Variants in LRRC37A2 observed in about 807,000 individuals in gnomAD.
LRRC37A2 encodes leucine rich repeat containing 37 member A2.
A neutral mutation model predicts 68.8 loss-of-function variants in LRRC37A2; 9 were observed. That is an observed-to-expected ratio of 0.13 (90% CI 0.08 to 0.23). The LOEUF (loss-of-function observed/expected upper bound fraction) is 0.23. LRRC37A2 is among the 10% of genes least tolerant of loss of function. The pLI is 1.00. For missense variants in LRRC37A2, 168 were observed against 950.4 expected (o/e 0.18, Z 10.82); for synonymous variants, 63 against 367.6 (o/e 0.17, Z 9.48).
chr17:47,014,288 G>C, the LRRC37A2 span, among the ~76,000 whole-genome samples: 48 of 150,598 alleles, frequency 3.2e-4, no homozygotes, highest in African/African-American at 1.1e-3. Context: ...TACTTGGGAA[G>C]CTGAGGCATG....
the LRRC37A2 span, among the ~76,000 whole-genome samples, chr17:46,839,929 TTTCTTTCTTTCTTTC>T: frequency 7.9e-6 from 1 of 126,894 alleles, no homozygotes; most frequent in Non-Finnish European, 1.7e-5. Context: ...TCTTTCTTTC[TTTCTTTCTTTCTTTC>T]TTTCTTTCTT....
At chr17:46,834,797 C>T in the LRRC37A2 span, among the ~76,000 whole-genome samples, 1 of 152,172 alleles carries the variant, frequency 6.6e-6, no homozygotes, top group Non-Finnish European at 1.5e-5. Flanking sequence ...CAAGGGCTTC[C>T]CCCACGCTAA....
At chr17:46,784,889 C>T in the LRRC37A2 span, among the ~76,000 whole-genome samples, 2 of 151,922 alleles carry the variant, frequency 1.3e-5, no homozygotes, top group East Asian at 1.9e-4. Context: ...CATTCTCCTG[C>T]CTCAGCCTCC....
chr17:46,979,685 G>A, the LRRC37A2 span, among the ~76,000 whole-genome samples: 1 of 151,780 alleles, frequency 6.6e-6, no homozygotes, highest in Non-Finnish European at 1.5e-5. Context: ...CTTTCCCGGG[G>A]TGAAAGCTGT....
the LRRC37A2 span, among the ~76,000 whole-genome samples, chr17:46,820,315 G>A: frequency 1.3e-5 from 2 of 152,162 alleles, no homozygotes; most frequent in Non-Finnish European, 2.9e-5. Context: ...TGCTGGACTG[G>A]AGGGGGTGGG....
At chr17:46,814,201 G>A in the LRRC37A2 span, among the ~76,000 whole-genome samples, 10 of 152,202 alleles carry the variant, frequency 6.6e-5, no homozygotes, top group Admixed American at 4.6e-4. Flanking sequence ...CCCCGGAGCT[G>A]TTGACAAAAT....
the LRRC37A2 span, among the ~76,000 whole-genome samples, chr17:46,950,589 T>C: frequency 1.3e-5 from 2 of 152,148 alleles, no homozygotes; most frequent in African/African-American, 4.8e-5. Flanking sequence ...GGGGCAGCCA[T>C]GAGCTTCAGG....
the LRRC37A2 span, among the ~76,000 whole-genome samples, chr17:47,023,425 G>A: frequency 2.0e-5 from 3 of 152,232 alleles, no homozygotes; most frequent in African/African-American, 4.8e-5. Flanking sequence ...GGTGGCTCAC[G>A]CCTTTAATCC....
the LRRC37A2 span, among the ~76,000 whole-genome samples, chr17:46,442,082 T>C: frequency 1.2e-5 from 1 of 81,626 alleles, no homozygotes; most frequent in Admixed American, 1.2e-4. Context: ...TTCTTCCTTC[T>C]TCAGCTCAAT....
At chr17:46,790,716 T>C in the LRRC37A2 span, among the ~76,000 whole-genome samples, 1 of 152,148 alleles carries the variant, frequency 6.6e-6, no homozygotes, top group African/African-American at 2.4e-5. Flanking sequence ...CAAATCTCCA[T>C]GTTCACGGCC....
the LRRC37A2 span, among the ~76,000 whole-genome samples, chr17:46,945,051 A>G: frequency 3.2e-4 from 48 of 152,302 alleles, no homozygotes; most frequent in East Asian, 9.1e-3. Flanking sequence ...GTGATAGTTT[A>G]GTGCGGCCAT....
chr17:46,490,520 G>C, the LRRC37A2 span, among the ~76,000 whole-genome samples: 500 of 150,762 alleles, frequency 3.3e-3, 6 homozygotes, highest in African/African-American at 0.01. Flanking sequence ...CTCGAGAGTT[G>C]GAGACCAGCC....
the LRRC37A2 span, among the ~76,000 whole-genome samples, chr17:46,857,823 G>C: frequency 6.6e-6 from 1 of 152,202 alleles, no homozygotes; most frequent in Non-Finnish European, 1.5e-5. Context: ...TTGATGAATG[G>C]TGTGTTGAAC....
chr17:46,968,624 T>C, the LRRC37A2 span: 1 of 152,456 alleles, frequency 6.6e-6, no homozygotes, highest in Non-Finnish European at 1.5e-5. Context: ...AGAACTTAGT[T>C]GGCTTGCTCT....
At chr17:46,745,027 G>C in the LRRC37A2 span, among the ~76,000 whole-genome samples, 1 of 128,746 alleles carries the variant, frequency 7.8e-6, no homozygotes, top group African/African-American at 3.0e-5. Context: ...TTCCCAAATA[G>C]GTTATCACTC....
the LRRC37A2 span, among the ~76,000 whole-genome samples, chr17:46,992,931 A>G: frequency 6.6e-6 from 1 of 151,876 alleles, no homozygotes; most frequent in Non-Finnish European, 1.5e-5. Flanking sequence ...CTGAAGACAA[A>G]GAAGATTTTC....
At chr17:46,996,082 C>T in the LRRC37A2 span, among the ~76,000 whole-genome samples, 1 of 152,142 alleles carries the variant, frequency 6.6e-6, no homozygotes, top group African/African-American at 2.4e-5. Context: ...CTGCTGCTTG[C>T]CTCCCACTCC....
At chr17:46,935,529 G>C in the LRRC37A2 span, 1 of 1,263,048 alleles carries the variant, frequency 7.9e-7, no homozygotes, top group Non-Finnish European at 1.0e-6. Context: ...CTGTCCTTTG[G>C]TACCTCGCTT....
the LRRC37A2 span, among the ~76,000 whole-genome samples, chr17:46,954,430 T>C: frequency 3.9e-4 from 60 of 152,372 alleles, no homozygotes; most frequent in African/African-American, 1.4e-3. Flanking sequence ...GCTGTTTTAG[T>C]TACTGTAGCG....
Sources: gnomAD v4.1 joint callset for allele counts (sites outside exome capture counted in the v4.1 genomes callset) on GRCh38, gnomAD v4.1.1 for gene constraint, MANE v1.5 for transcripts, NCBI Gene and HGNC (gene_info 2026-07-23, HGNC 2026-07-21) for gene names.